Variants in PTPRK observed in about 807,000 individuals in gnomAD.
PTPRK encodes the protein receptor-type tyrosine-protein phosphatase kappa.
In PTPRK, 75 loss-of-function variants were observed where a neutral mutation model predicts 178.0. That is an observed-to-expected ratio of 0.42 (90% CI 0.35 to 0.51). The LOEUF (loss-of-function observed/expected upper bound fraction) is 0.51, where lower values mean the gene tolerates loss of function less well. Among genes scored for constraint, PTPRK ranks in the 20% least tolerant of loss-of-function variants. The pLI, the probability that PTPRK is intolerant of heterozygous loss-of-function variation, is 0.02. For synonymous variants in PTPRK, 637 were observed against 620.6 expected, an observed-to-expected ratio of 1.03 and a Z score of -0.39; for missense variants, 1,441 against 1,797.8, an observed-to-expected ratio of 0.80 and a Z score of 3.59.
intron 1 of PTPRK, among the ~76,000 whole-genome samples, chr6:128,513,939 A>C (rs991814169): frequency 5.9e-5 from 9 of 152,170 alleles, no homozygotes; most frequent in South Asian, 4.1e-4. Context: ...GAATGACCTA[A>C]GAAAAATCAC....
intron 6 of PTPRK, among the ~76,000 whole-genome samples, chr6:128,204,993 C>A (rs930698128): frequency 7.2e-5 from 11 of 152,072 alleles, no homozygotes; most frequent in Non-Finnish European, 1.2e-4. Context: ...TTCGCAATAG[C>A]AAAGACATGC....
chr6:128,512,733 G>A (rs1857373609), intron 1 of PTPRK, among the ~76,000 whole-genome samples: 1 of 152,120 alleles, frequency 6.6e-6, no homozygotes, highest in South Asian at 2.1e-4. Flanking sequence ...TGAGAAAACT[G>A]ACAAGAATCT....
chr6:128,205,777 C>CAAAAAAAAA (rs57003128), intron 6 of PTPRK, among the ~76,000 whole-genome samples: 27 of 15,226 alleles, frequency 1.8e-3, no homozygotes, highest in African/African-American at 5.7e-3. Flanking sequence ...CATCACAGAC[C>CAAAAAAAAA]AAAAAAAAAA....
intron 1 of PTPRK, among the ~76,000 whole-genome samples, chr6:128,469,665 C>T (rs186211313): frequency 5.3e-5 from 8 of 152,098 alleles, no homozygotes; most frequent in African/African-American, 1.9e-4. Context: ...ATATCCTAAT[C>T]GCTGGGACTG....
chr6:128,090,121 T>C lies in PTPRK; in HGVS notation c.1163-129A>G, dbSNP rs1360073203. 5.3e-6 allele frequency: 4 copies of C among 749,612 alleles called. No homozygotes were observed. The Admixed American group carries it at 8.6e-5, about 16-fold the overall frequency. 46.4% of individuals were successfully genotyped at this position (749,612 alleles called of 1,614,324 possible). A position where few individuals can be genotyped will look rare whatever the true frequency, so the allele number is the denominator to read the frequency against. On this transcript the variant is annotated intron_variant, in intron 7 of 29. Coordinates refer to ENST00000368226, the MANE Select transcript of PTPRK (RefSeq NM_002844.4). Reference sequence around the variant, plus strand: ...GTGGAAGTCATGTTTTATTTTCCTTTGCTTTATTTATTCATGATCCTATTC... The same window carrying C: ...GTGGAAGTCATGTTTTATTTTCCTTCGCTTTATTTATTCATGATCCTATTC...
chr6:127,985,420 A>G (rs148779845), intron 22 of PTPRK, among the ~76,000 whole-genome samples: 6 of 152,330 alleles, frequency 3.9e-5, no homozygotes, highest in African/African-American at 7.2e-5. Flanking sequence ...TCTATACAAT[A>G]TGGGATTTGC....
At chr6:128,080,244 G>A (rs1385206125) in intron 10 of PTPRK, among the ~76,000 whole-genome samples, 3 of 151,950 alleles carry the variant, frequency 2.0e-5, no homozygotes, top group African/African-American at 7.2e-5. Flanking sequence ...TGGCTGTGCC[G>A]GGAACTTTGG....
At chr6:128,322,357 AG>A (rs774213828) in intron 2 of PTPRK, 47 bp from the exon 3 acceptor site, 1 of 1,478,728 alleles carries the variant, frequency 6.8e-7, no homozygotes, top group Non-Finnish European at 9.3e-7. Context: ...ATATAAGCAA[AG>A]GGAACATATA....
chr6:128,496,813 T>G (rs182624554), intron 1 of PTPRK, among the ~76,000 whole-genome samples: 57 of 152,320 alleles, frequency 3.7e-4, no homozygotes, highest in Admixed American at 5.2e-4. Flanking sequence ...AATGTGACAT[T>G]TTCAGGTGTG....
chr6:128,048,163 G>A (rs1224269215), intron 13 of PTPRK, among the ~76,000 whole-genome samples: 1 of 152,096 alleles, frequency 6.6e-6, no homozygotes, highest in East Asian at 1.9e-4. Flanking sequence ...AGGGTGAATG[G>A]GACTTGCTTA....
At chr6:128,003,988 T>C (rs1050003867) in intron 15 of PTPRK, among the ~76,000 whole-genome samples, 3 of 151,906 alleles carry the variant, frequency 2.0e-5, no homozygotes, top group African/African-American at 7.2e-5. Flanking sequence ...CAATAGTTAC[T>C]GAAAAATTTC....
Position 128,193,023 on chromosome 6 carries a change from C to T in PTPRK, c.869-8298G>A, listed in dbSNP as rs569700538. On this transcript the variant is annotated intron_variant, in intron 6 of 29. Transcript: ENST00000368226. ...AAAATGTACACTTCAATGTAAGAAT[C>T]GACACTTGGAGAACACAATACCCAA... Among the ~76,000 whole-genome samples, 47 of 151,994 alleles carry T rather than the reference C, an allele frequency of 3.1e-4. No homozygotes were observed. The South Asian group carries it at 9.6e-3, about 31-fold the overall frequency.
chr6:128,077,739 T>C (rs542680689), intron 11 of PTPRK, among the ~76,000 whole-genome samples: 9 of 152,178 alleles, frequency 5.9e-5, no homozygotes, highest in East Asian at 1.9e-4. Context: ...GAAACTTGTT[T>C]AAGTTTTGGA....
chr6:128,142,033 A>G (rs1795842728), intron 7 of PTPRK, among the ~76,000 whole-genome samples: 1 of 151,932 alleles, frequency 6.6e-6, no homozygotes, highest in African/African-American at 2.4e-5. Context: ...TTAAACACAT[A>G]TTATACATTA....
intron 20 of PTPRK, 133 bp from the exon 21 acceptor site, chr6:127,991,018 A>T: frequency 1.6e-6 from 1 of 637,658 alleles, no homozygotes; most frequent in Non-Finnish European, 2.7e-6. Flanking sequence ...AAAAAAATCT[A>T]TTATACAATA....
At chr6:128,283,561 A>G (rs1047365187) in intron 3 of PTPRK, among the ~76,000 whole-genome samples, 1 of 152,196 alleles carries the variant, frequency 6.6e-6, no homozygotes, top group Non-Finnish European at 1.5e-5. Context: ...GGTAAATTAA[A>G]TAATTTTCAA....
chr6:128,289,541 C>T (rs950628631), intron 3 of PTPRK, among the ~76,000 whole-genome samples: 5 of 152,012 alleles, frequency 3.3e-5, no homozygotes, highest in African/African-American at 9.7e-5. Flanking sequence ...GACATTAAAC[C>T]TCTTTAAAAA....
chr6:128,003,534 T>C (rs898714088), intron 15 of PTPRK, among the ~76,000 whole-genome samples: 9 of 151,792 alleles, frequency 5.9e-5, no homozygotes, highest in African/African-American at 2.2e-4. Context: ...AAGTGTAAGG[T>C]ATTTAAAGAA....
chr6:128,377,248 T>C (rs1053938543), intron 2 of PTPRK, among the ~76,000 whole-genome samples: 10 of 152,198 alleles, frequency 6.6e-5, no homozygotes, highest in African/African-American at 1.4e-4. Context: ...TACAGTTCCA[T>C]GTAGCTGGGG....
Sources: gnomAD v4.1 joint callset for allele counts (sites outside exome capture counted in the v4.1 genomes callset) on GRCh38, gnomAD v4.1.1 for gene constraint, MANE v1.5 for transcripts, NCBI Gene and HGNC (gene_info 2026-07-23, HGNC 2026-07-21) for gene names.